FAM227B: variants seen among roughly 807,000 people sequenced by gnomAD.
FAM227B encodes the protein family with sequence similarity 227 member B, also known as protein FAM227B.
A neutral mutation model predicts 73.8 loss-of-function variants in FAM227B; 88 were observed. The ratio of observed to expected loss-of-function variants is 1.19; its 90% CI spans 1.00 to 1.42. FAM227B has a LOEUF of 1.42. Ranked by LOEUF, FAM227B falls within the 40% of genes most tolerant of loss-of-function variation. The probability of loss-of-function intolerance (pLI) is 0.00; values close to 1 mark genes in which losing one functional copy is unlikely to be tolerated. For missense variants in FAM227B, 632 were observed against 590.9 expected (o/e 1.07, Z -0.72); for synonymous variants, 210 against 190.5 (o/e 1.10, Z -0.84).
At chr15:49,615,792 T>C (rs1418665710) in intron 1 of FAM227B, among the ~76,000 whole-genome samples, 1 of 152,210 alleles carries the variant, frequency 6.6e-6, no homozygotes, top group Non-Finnish European at 1.5e-5. Context: ...GAGGTTCTAC[T>C]ACGTCACATG....
At position 49,508,161 on chromosome 15, in the gene FAM227B, T is replaced by C. The variant is rs370569623; in HGVS notation, c.1012+50A>G. The C allele has an allele frequency of 9.0e-6, 14 of 1,551,412 alleles. No homozygotes were observed. The African/African-American group carries it at 1.8e-4, about 20-fold the overall frequency. On this transcript the variant is annotated intron_variant, in intron 11 of 15. Transcript: ENST00000299338. ...AAATTCTGCCTAATAAATAAATTAA[T>C]TGATTTTTGCTACCTATTCCATTTG...
At chr15:49,589,231 A>AC (rs1320801779) in intron 4 of FAM227B, among the ~76,000 whole-genome samples, 1 of 152,032 alleles carries the variant, frequency 6.6e-6, no homozygotes, top group African/African-American at 2.4e-5. Context: ...GTTAACTATC[A>AC]CCCCTTTTAC....
chr15:49,515,979 G>C (rs1231591535), intron 10 of FAM227B, among the ~76,000 whole-genome samples: 1 of 151,990 alleles, frequency 6.6e-6, no homozygotes, highest in Admixed American at 6.6e-5. Flanking sequence ...ATGATCCAGA[G>C]TTGCTCCAGC....
intron 9 of FAM227B, among the ~76,000 whole-genome samples, chr15:49,561,469 A>C (rs2074251805): frequency 6.6e-6 from 1 of 152,176 alleles, no homozygotes; most frequent in Non-Finnish European, 1.5e-5. Flanking sequence ...AAGGCAGAAA[A>C]CTGACACAGA....
rs147927625 is a variant in FAM227B at position 49,548,981 on chromosome 15, T to C, written c.748-7175A>G. 3.3e-5 allele frequency among the ~76,000 whole-genome samples: 5 copies of C among 152,340 alleles called. No homozygotes were observed. In the East Asian group the frequency reaches 9.6e-4, roughly 29 times the overall value. ...TGTTTTATTAATCTTTCTTATCATT[T>C]GTTTTCATTTCAATTTCATTTACTT... On this transcript the variant is annotated intron_variant, in intron 9 of 15. Transcript: ENST00000299338.
intron 11 of FAM227B, among the ~76,000 whole-genome samples, chr15:49,476,230 TG>T (rs143285386): frequency 0.43 from 53,715 of 126,080 alleles, 12,870 homozygotes; most frequent in East Asian, 0.62. Context: ...TTTTTGTTTT[TG>T]GTTTTTTTTT....
intron 9 of FAM227B, among the ~76,000 whole-genome samples, chr15:49,567,565 T>G (rs1004141627): frequency 1.3e-5 from 2 of 152,180 alleles, no homozygotes; most frequent in Admixed American, 1.3e-4. Context: ...CACCTTTTTA[T>G]TTTGGGTATG....
intron 11 of FAM227B, among the ~76,000 whole-genome samples, chr15:49,454,510 G>C (rs1181204598): frequency 6.6e-6 from 1 of 152,152 alleles, no homozygotes; most frequent in African/African-American, 2.4e-5. Context: ...CCCTACTAAT[G>C]AGAAAACATT....
chr15:49,353,618 T>G (rs1044908157), intron 13 of FAM227B: 1 of 151,488 alleles, frequency 6.6e-6, no homozygotes, highest in Non-Finnish European at 1.5e-5. Context: ...ATAAGGGTTT[T>G]TTTTTTTTTT....
intron 13 of FAM227B, among the ~76,000 whole-genome samples, chr15:49,355,455 G>A (rs1399856519): frequency 6.6e-6 from 1 of 152,190 alleles, no homozygotes; most frequent in East Asian, 1.9e-4. Flanking sequence ...AGAAGCCTCA[G>A]GAGCCGATGC....
intron 9 of FAM227B, among the ~76,000 whole-genome samples, chr15:49,551,349 T>C (rs1475032627): frequency 6.6e-6 from 1 of 152,238 alleles, no homozygotes; most frequent in East Asian, 1.9e-4. Flanking sequence ...TTTATTATTA[T>C]GTAATAACCT....
At chr15:49,612,854 GA>G (rs1431308511) in intron 2 of FAM227B, among the ~76,000 whole-genome samples, 1 of 152,048 alleles carries the variant, frequency 6.6e-6, no homozygotes, top group African/African-American at 2.4e-5. Context: ...AATATATGAT[GA>G]ATATAAGAAA....
chr15:49,611,382 T>A (rs2153332432), intron 2 of FAM227B, 114 bp from the exon 3 acceptor site: 1 of 546,614 alleles, frequency 1.8e-6, no homozygotes, highest in South Asian at 3.1e-5. Context: ...TTCAGAGCGG[T>A]AAGATATCAT....
At chr15:49,356,882 A>C (rs1418923899) in intron 13 of FAM227B, among the ~76,000 whole-genome samples, 98 of 132,518 alleles carry the variant, frequency 7.4e-4, no homozygotes, top group African/African-American at 2.7e-3. Context: ...ATAACAAACT[A>C]TCTCTCAGAC....
chr15:49,408,787 T>C (rs2048685936), intron 11 of FAM227B, among the ~76,000 whole-genome samples: 1 of 152,094 alleles, frequency 6.6e-6, no homozygotes, highest in East Asian at 1.9e-4. Context: ...TGCAATATAA[T>C]TTCAAATAAG....
intron 10 of FAM227B, among the ~76,000 whole-genome samples, chr15:49,515,587 C>G (rs1488440561): frequency 6.6e-6 from 1 of 152,064 alleles, no homozygotes; most frequent in Non-Finnish European, 1.5e-5. Context: ...AGTTTTAACG[C>G]CTGAAAATGG....
At chr15:49,553,954 T>C (rs922791171) in intron 9 of FAM227B, among the ~76,000 whole-genome samples, 2 of 152,176 alleles carry the variant, frequency 1.3e-5, no homozygotes, top group Non-Finnish European at 1.5e-5. Flanking sequence ...GCCCTCAATG[T>C]AGTACTTGGG....
chr15:49,429,260 G>A (rs543381747), intron 11 of FAM227B, among the ~76,000 whole-genome samples: 1 of 151,968 alleles, frequency 6.6e-6, no homozygotes, highest in African/African-American at 2.4e-5. Flanking sequence ...CTGGTGACCC[G>A]CATTCCCTTA....
intron 1 of FAM227B, chr15:49,619,997 T>A (rs968975104): frequency 6.6e-6 from 1 of 152,204 alleles, no homozygotes; most frequent in African/African-American, 2.4e-5. Context: ...TTCCAATCTA[T>A]ATTGTTTCTT....
Sources: allele counts gnomAD v4.1 joint callset (sites outside exome capture counted in the v4.1 genomes callset), GRCh38; gene constraint gnomAD v4.1.1; transcripts MANE v1.5; gene names NCBI Gene and HGNC (gene_info 2026-07-23, HGNC 2026-07-21).